SAMMSON: variants seen among roughly 807,000 people sequenced by gnomAD.
SAMMSON encodes survival associated mitochondrial melanoma specific oncogenic non-coding RNA.
chr3:70,356,253 G>A (rs1702828536), intron 8 of SAMMSON, among the ~76,000 whole-genome samples: 1 of 152,008 alleles, frequency 6.6e-6, no homozygotes, highest in African/African-American at 2.4e-5. Flanking sequence ...AGAAAACTTA[G>A]AAATTATCAC....
intron 1 of SAMMSON, among the ~76,000 whole-genome samples, chr3:70,005,052 A>T (rs764571274): frequency 1.3e-5 from 2 of 152,152 alleles, no homozygotes; most frequent in Non-Finnish European, 2.9e-5. Context: ...TTCTCATCTG[A>T]GTGCGTTCTC....
At chr3:70,104,281 C>T (rs1307074015) in intron 4 of SAMMSON, among the ~76,000 whole-genome samples, 4 of 150,582 alleles carry the variant, frequency 2.7e-5, no homozygotes, top group Non-Finnish European at 4.4e-5. Context: ...TTTTTTCCTA[C>T]GCTGCGATAC....
At chr3:70,152,823 G>A (rs1297332009) in intron 4 of SAMMSON, among the ~76,000 whole-genome samples, 1 of 152,016 alleles carries the variant, frequency 6.6e-6, no homozygotes, top group East Asian at 1.9e-4. Flanking sequence ...TGGAAAGTTA[G>A]AGCTGTTGTA....
At position 70,404,513 on chromosome 3, in the gene SAMMSON, G is replaced by C. The variant is rs1019015611; in HGVS notation, n.233+46189G>C. Among the ~76,000 whole-genome samples, 8 of 152,042 alleles carry C rather than the reference G, an allele frequency of 5.3e-5. 1 individual carries two copies. The highest frequency in any genetic ancestry group is 1.9e-4 in the African/African-American group (8 of 41,408). The stretch of plus-strand genomic sequence containing the variant: ...TAATCTTCTTGGGATTCAAGCATAA[G>C]AATAAAAATTATGGTAAGGATTATA... On this transcript the variant is annotated intron_variant and non_coding_transcript_variant, in intron 2 of 3. Transcript: ENST00000641053.
intron 4 of SAMMSON, among the ~76,000 whole-genome samples, chr3:70,075,686 CATT>C (rs1018221372): frequency 2.6e-5 from 4 of 152,050 alleles, no homozygotes; most frequent in African/African-American, 9.7e-5. Context: ...TGCTTTAAAA[CATT>C]GTTGTAGTGA....
chr3:70,051,506 A>G (rs2067146100), intron 3 of SAMMSON, among the ~76,000 whole-genome samples: 1 of 150,144 alleles, frequency 6.7e-6, no homozygotes, highest in Non-Finnish European at 1.5e-5. Context: ...ATTGATAAAT[A>G]AATTATAAAC....
At chr3:70,390,712 A>G (rs1285529960), downstream of SAMMSON, among the ~76,000 whole-genome samples, 1 of 152,116 alleles carries the variant, frequency 6.6e-6, no homozygotes, top group Non-Finnish European at 1.5e-5. Flanking sequence ...CTCCACCATC[A>G]GGGCTTAGGA....
intron 2 of SAMMSON, among the ~76,000 whole-genome samples, chr3:70,420,915 C>T (rs948563344): frequency 2.7e-5 from 4 of 148,864 alleles, no homozygotes; most frequent in African/African-American, 7.4e-5. Context: ...TGAACAGAGC[C>T]AGATGTAAGA....
At chr3:70,143,667 G>A (rs768158786) in intron 4 of SAMMSON, among the ~76,000 whole-genome samples, 1 of 152,114 alleles carries the variant, frequency 6.6e-6, no homozygotes, top group Non-Finnish European at 1.5e-5. Flanking sequence ...TGAGAGTAGA[G>A]GGTGTTCTTC....
chr3:70,157,706 C>T (rs186585889), intron 4 of SAMMSON, among the ~76,000 whole-genome samples: 81 of 152,178 alleles, frequency 5.3e-4, no homozygotes, highest in Middle Eastern at 3.4e-3. Context: ...ATTTTAGCTA[C>T]CAATGAGTAA....
intron 3 of SAMMSON, among the ~76,000 whole-genome samples, chr3:70,026,319 G>A (rs927212372): frequency 6.6e-6 from 1 of 152,098 alleles, no homozygotes; most frequent in African/African-American, 2.4e-5. Flanking sequence ...ATATAAGACA[G>A]TTTGAAGGTC....
intron 7 of SAMMSON, among the ~76,000 whole-genome samples, chr3:70,303,520 T>G (rs1270128849): frequency 5.9e-5 from 9 of 152,194 alleles, no homozygotes; most frequent in Admixed American, 5.9e-4. Context: ...AACCTAGATT[T>G]CCCTTCTAGA....
At position 70,008,439 on chromosome 3, in the gene SAMMSON, T is replaced by G. The variant is rs189008990; in HGVS notation, n.23-3918T>G. Among the ~76,000 whole-genome samples the G allele has an allele frequency of 2.0e-5, 3 of 152,306 alleles. No homozygotes were observed. The East Asian group carries it at 5.8e-4, about 29-fold the overall frequency. On this transcript the variant is annotated intron_variant and non_coding_transcript_variant, in intron 1 of 9. Coordinates refer to ENST00000642114, the Ensembl canonical transcript of SAMMSON. ...AATGGGAGTTCACTCATGATTTGGC[T>G]CTCTGTTATTGGTGTACAAGAATGC...
chr3:70,367,698 T>C (rs1379771301), intron 9 of SAMMSON, among the ~76,000 whole-genome samples: 1 of 151,808 alleles, frequency 6.6e-6, no homozygotes, highest in South Asian at 2.1e-4. Context: ...GGAAAGCATA[T>C]ATTTCTTTGA....
intron 9 of SAMMSON, among the ~76,000 whole-genome samples, chr3:70,360,781 TTGTA>T (rs1339886457): frequency 1.3e-5 from 2 of 152,196 alleles, no homozygotes; most frequent in Non-Finnish European, 2.9e-5. Flanking sequence ...TTGGAAAAGT[TTGTA>T]TGTGCTAAGC....
chr3:70,242,813 A>C (rs1221451535), intron 4 of SAMMSON, among the ~76,000 whole-genome samples: 3 of 152,102 alleles, frequency 2.0e-5, no homozygotes, highest in Admixed American at 1.3e-4. Flanking sequence ...TTGGTAATCT[A>C]ATTTTTGTCT....
At chr3:70,407,899 C>T (rs1701188968) in intron 2 of SAMMSON, among the ~76,000 whole-genome samples, 1 of 152,250 alleles carries the variant, frequency 6.6e-6, no homozygotes, top group Admixed American at 6.5e-5. Flanking sequence ...GAGTGCCCTG[C>T]CCCTGCAGCA....
intron 4 of SAMMSON, among the ~76,000 whole-genome samples, chr3:70,091,762 C>A (rs535792416): frequency 2.6e-5 from 4 of 152,262 alleles, no homozygotes; most frequent in African/African-American, 9.6e-5. Context: ...ACAATAGATG[C>A]TGGAGGAGCC....
intron 4 of SAMMSON, among the ~76,000 whole-genome samples, chr3:70,170,291 T>C (rs1239344753): frequency 2.0e-5 from 3 of 151,974 alleles, no homozygotes; most frequent in South Asian, 4.1e-4. Flanking sequence ...ATGAAACAGG[T>C]ACTTTTGTCA....
Sources: allele counts gnomAD v4.1 joint callset (sites outside exome capture counted in the v4.1 genomes callset), GRCh38; gene constraint gnomAD v4.1.1; transcripts MANE v1.5; gene names NCBI Gene and HGNC (gene_info 2026-07-23, HGNC 2026-07-21).